The following KALRN variants were observed in gnomAD, a reference collection of about 807,000 sequenced individuals.
KALRN encodes the protein kalirin.
A neutral mutation model predicts 353.7 loss-of-function variants in KALRN; 70 were observed. The ratio of observed to expected loss-of-function variants is 0.20; its 90% confidence interval spans 0.16 to 0.24. The LOEUF is 0.24. Among genes scored for constraint, KALRN ranks in the 10% least tolerant of loss-of-function variants. The pLI, the probability that KALRN is intolerant of heterozygous loss-of-function variation, is 1.00. For synonymous variants in KALRN, 1,391 were observed against 1,434.8 expected (o/e 0.97, Z 0.69); for missense variants, 2,791 against 3,756.7 (o/e 0.74, Z 6.72).
intron 34 of KALRN, among the ~76,000 whole-genome samples, chr3:124,592,924 C>G (rs2075944851): frequency 6.6e-6 from 1 of 152,212 alleles, no homozygotes; most frequent in African/African-American, 2.4e-5. Flanking sequence ...TTCTTTTTGC[C>G]TTTCTGGTGA....
intron 1 of KALRN, among the ~76,000 whole-genome samples, chr3:124,084,028 C>G (rs1293216170): frequency 6.6e-6 from 1 of 152,188 alleles, no homozygotes; most frequent in Non-Finnish European, 1.5e-5. Context: ...ATGACCAAAT[C>G]ACATTTTCCA....
intron 28 of KALRN, among the ~76,000 whole-genome samples, chr3:124,485,403 G>T (rs559765975): frequency 1.3e-5 from 2 of 152,318 alleles, no homozygotes; most frequent in South Asian, 4.1e-4. Context: ...GCATAGACAA[G>T]GGAGAGAAGT....
intron 34 of KALRN, among the ~76,000 whole-genome samples, chr3:124,628,742 ATTTTTTTTTTTTTTTTT>A (rs58523719): frequency 0.19 from 19,261 of 100,766 alleles, 1,647 homozygotes; most frequent in East Asian, 0.4. Flanking sequence ...CACCTGGCTA[ATTTTTTTTTTTTTTTTT>A]TTTTTTTTTT....
rs572810809 is a variant in KALRN, at chr3:124,689,679, G to A, written c.7378-4125G>A. Among the ~76,000 whole-genome samples the A allele has an allele frequency of 2.0e-5, 3 of 152,228 alleles. No individual in the cohort carries two copies. The South Asian group carries it at 6.2e-4, about 32-fold the overall frequency. On this transcript the variant is annotated intron_variant, in intron 51 of 59. Coordinates refer to ENST00000682506, the MANE Select transcript of KALRN (RefSeq NM_001388419.1). The stretch of plus-strand genomic sequence containing the variant: ...GACCACTAGACAAGGTGGTCAGGAA[G>A]CCTAATTTCTAGTCTACTAATTGGG...
chr3:124,642,802 C>CTTTGTTTTTTTTTTTTTGTT (rs1209328309), intron 37 of KALRN, among the ~76,000 whole-genome samples: 2 of 60,064 alleles, frequency 3.3e-5, no homozygotes, highest in African/African-American at 1.6e-4. Flanking sequence ...GATTCCCAAG[C>CTTTGTTTTTTTTTTTTTGTT]CTCGTTTTTT....
chr3:124,205,184 A>T (rs1433721201), intron 1 of KALRN, among the ~76,000 whole-genome samples: 1 of 152,234 alleles, frequency 6.6e-6, no homozygotes, highest in African/African-American at 2.4e-5. Flanking sequence ...TGGTGTTTGT[A>T]ACATTTGCTG....
intron 13 of KALRN, among the ~76,000 whole-genome samples, chr3:124,407,062 G>A (rs1217772405): frequency 2.0e-5 from 3 of 152,000 alleles, no homozygotes; most frequent in South Asian, 2.1e-4. Flanking sequence ...TCAAACTCCT[G>A]ACCTCAGGTG....
intron 33 of KALRN, among the ~76,000 whole-genome samples, chr3:124,501,311 G>T (rs1430721490): frequency 6.6e-6 from 1 of 152,198 alleles, no homozygotes; most frequent in East Asian, 1.9e-4. Flanking sequence ...TGTGAGCTGA[G>T]GTGAAATGTG....
At chr3:124,101,044 C>T (rs1044619181) in intron 1 of KALRN, among the ~76,000 whole-genome samples, 2 of 152,216 alleles carry the variant, frequency 1.3e-5, no homozygotes, top group Non-Finnish European at 2.9e-5. Context: ...CATAGGAGAA[C>T]ACATAGAACA....
chr3:124,709,546 G>C (rs539178418), intron 57 of KALRN, among the ~76,000 whole-genome samples: 8 of 151,942 alleles, frequency 5.3e-5, no homozygotes, highest in Non-Finnish European at 8.8e-5. Flanking sequence ...CCAAGGTGTT[G>C]GGATTACAGG....
chr3:124,055,681 G>A (rs2041465579), intron 1 of KALRN, among the ~76,000 whole-genome samples: 1 of 152,174 alleles, frequency 6.6e-6, no homozygotes, highest in Admixed American at 6.5e-5. Flanking sequence ...CTGAGTGTGT[G>A]ATCACGATCA....
chr3:124,542,452 C>T (rs938049669), intron 33 of KALRN, among the ~76,000 whole-genome samples: 3 of 152,294 alleles, frequency 2.0e-5, no homozygotes, highest in South Asian at 2.1e-4. Context: ...GTAAGTCCCT[C>T]GAAGCATAAA....
chr3:124,353,277 C>T (rs2149608375), intron 10 of KALRN, among the ~76,000 whole-genome samples: 1 of 152,132 alleles, frequency 6.6e-6, no homozygotes, highest in African/African-American at 2.4e-5. Flanking sequence ...AATCAGCAAA[C>T]CTACCATAGT....
intron 10 of KALRN, among the ~76,000 whole-genome samples, chr3:124,379,954 G>T (rs2087111264): frequency 1.3e-5 from 2 of 151,566 alleles, no homozygotes; most frequent in Middle Eastern, 6.8e-3. Context: ...ATCTCATTAC[G>T]TATTGGTTTC....
intron 6 of KALRN, among the ~76,000 whole-genome samples, chr3:124,319,800 C>A (rs1241267223): frequency 6.6e-6 from 1 of 151,890 alleles, no homozygotes; most frequent in Non-Finnish European, 1.5e-5. Context: ...CGAGACCAGC[C>A]TGGCCAACAT....
chr3:124,715,082 G>A (rs1448032969), intron 58 of KALRN, among the ~76,000 whole-genome samples: 1 of 151,576 alleles, frequency 6.6e-6, no homozygotes, highest in Non-Finnish European at 1.5e-5. Flanking sequence ...CAAGTCTAAT[G>A]AGGAAGACCA....
chr3:124,226,211 A>G (rs1277109957), intron 1 of KALRN, among the ~76,000 whole-genome samples: 2 of 152,216 alleles, frequency 1.3e-5, no homozygotes, highest in African/African-American at 4.8e-5. Context: ...GAGGATGAAA[A>G]AAAATACTTT....
At chr3:124,087,478 A>G (rs1409231842) in intron 1 of KALRN, among the ~76,000 whole-genome samples, 1 of 152,132 alleles carries the variant, frequency 6.6e-6, no homozygotes, top group Non-Finnish European at 1.5e-5. Flanking sequence ...AGGCACAATC[A>G]TTTTCAACAT....
intron 1 of KALRN, among the ~76,000 whole-genome samples, chr3:124,085,428 T>C (rs1247862399): frequency 6.6e-6 from 1 of 152,214 alleles, no homozygotes; most frequent in Non-Finnish European, 1.5e-5. Flanking sequence ...ATGCTTGTTA[T>C]GGAGAACCCA....
Sources: gnomAD v4.1 joint callset for allele counts (sites outside exome capture counted in the v4.1 genomes callset) on GRCh38, gnomAD v4.1.1 for gene constraint, MANE v1.5 for transcripts, NCBI Gene and HGNC (gene_info 2026-07-23, HGNC 2026-07-21) for gene names.